BAIAP2L1: variants seen among roughly 807,000 people sequenced by gnomAD.
BAIAP2L1 encodes the protein BAR/IMD domain containing adaptor protein 2 like 1, also known as BAR/IMD domain-containing adapter protein 2-like 1.
A neutral mutation model predicts 66.3 loss-of-function variants in BAIAP2L1; 35 were observed. The ratio of observed to expected loss-of-function variants is 0.53; its 90% confidence interval spans 0.40 to 0.70. The LOEUF is 0.70. Among genes scored for constraint, BAIAP2L1 ranks in the 30% least tolerant of loss-of-function variants. BAIAP2L1 has a pLI of 0.00. For synonymous variants in BAIAP2L1, 269 were observed against 248.7 expected (o/e 1.08, Z -0.77); for missense variants, 622 against 656.9 (o/e 0.95, Z 0.58).
At chr7:98,308,490 G>C (rs914777147) in intron 9 of BAIAP2L1, 7 of 363,738 alleles carry the variant, frequency 1.9e-5, no homozygotes, top group African/African-American at 1.1e-4. Context: ...CCAGGAGGAA[G>C]GTGCTGCTAT....
At position 98,315,568 on chromosome 7, in the gene BAIAP2L1, G is replaced by A. The variant is rs1407705174; in HGVS notation, c.531C>T (p.Phe177=). 2 of 1,487,088 alleles carry A rather than the reference G, an allele frequency of 1.3e-6. No homozygotes were observed. The highest frequency in any genetic ancestry group is 1.8e-6 in the Non-Finnish European group (2 of 1,109,198). The allele number at this position is 1,487,088 out of a possible 1,614,324, so 92.1% of individuals were successfully genotyped here. The change falls in exon 7 of 14, where the codon TTC becomes TTT. Residue 177 remains phenylalanine (F), a synonymous_variant. Transcript: ENST00000005260. Reference sequence around the variant, plus strand: ...GAGCCTCTTTGCAACCATCTGCAATGAATTTCTGGATTTCACTCTGACGAG... The same window carrying A: ...GAGCCTCTTTGCAACCATCTGCAATAAATTTCTGGATTTCACTCTGACGAG... ...VTSRQSEIQK[F]IADGCKEALL... is the part of the protein sequence containing the mutation.
At position 98,328,723 on chromosome 7, in the gene BAIAP2L1, A is replaced by C. The variant is rs544665168; in HGVS notation, c.215-8425T>G. ...AAATTCATGATACACACCAACAAAA[A>C]TGTGCCCACACACTCCTCAACAGGC... On this transcript the variant is annotated intron_variant, in intron 3 of 13. Transcript: ENST00000005260. Among the ~76,000 whole-genome samples, 10 of 152,088 alleles carry C rather than the reference A, an allele frequency of 6.6e-5. 1 individual carries two copies. The highest frequency in any genetic ancestry group is 3.3e-4 in the Admixed American group (5 of 15,258).
rs1194593021 is a variant in BAIAP2L1, at chr7:98,293,929, AG to A, written c.1460+144del. ...GTCTAAAGTAGTTGGTAAAGCGAGC[AG>A]GGGGCTGCACTCCCCCATGGCTCCA... On this transcript the variant is annotated intron_variant, in intron 13 of 13. Transcript: ENST00000005260. The A allele has an allele frequency of 2.6e-5, 24 of 938,402 alleles. No homozygotes were observed. The Admixed American group carries it at 5.3e-4, about 21-fold the overall frequency. The allele number at this position is 938,402 out of a possible 1,614,324, so 58.1% of individuals were successfully genotyped here. A position where few individuals can be genotyped will look rare whatever the true frequency, so the allele number is the denominator to read the frequency against.
In BAIAP2L1 at chr7:98,362,385, C is replaced by T. The variant is rs766811491; in HGVS notation, c.99G>A (p.Leu33=). 6 of 1,612,612 alleles carry T rather than the reference C, an allele frequency of 3.7e-6. No homozygotes were observed. The highest frequency in any genetic ancestry group is 8.5e-7 in the Non-Finnish European group (1 of 1,179,382). The stretch of plus-strand genomic sequence containing the variant: ...TTACAGCTTTCTCATAATTTTTCCC[C>T]AGGTTTATTAAATTTCGCAGCCCAG... The part of the protein sequence containing the change: ...FNPGLRNLIN[L]GKNYEKAVNA... Residue 33 remains leucine, a synonymous_variant, in exon 2 of 14, where the codon CTG becomes CTA. Transcript: ENST00000005260.
At chr7:98,369,663 ATTTT>A (rs71112146) in intron 1 of BAIAP2L1, among the ~76,000 whole-genome samples, 7 of 103,850 alleles carry the variant, frequency 6.7e-5, no homozygotes, top group Admixed American at 1.1e-4. Context: ...TGATTTCCTA[ATTTT>A]TTTTTTTTTT....
At chr7:98,304,503 C>T (rs1800556745) in intron 11 of BAIAP2L1, 127 bp from the exon 12 acceptor site, 1 of 935,408 alleles carries the variant, frequency 1.1e-6, no homozygotes, top group African/African-American at 1.8e-5. Flanking sequence ...ATCTTGATCT[C>T]ACACACACAG....
intron 3 of BAIAP2L1, among the ~76,000 whole-genome samples, chr7:98,332,584 C>T (rs1275116786): frequency 1.3e-5 from 2 of 150,906 alleles, no homozygotes; most frequent in Non-Finnish European, 3.0e-5. Context: ...CCAAGGCAGG[C>T]GAATCACAAC....
Position 98,293,565 on chromosome 7 carries a change from G to C in BAIAP2L1, c.1492C>G (p.Arg498Gly). ...GAGCGATCATTCGTCACAGTCGGGCGGAGTTTCACAGTGGCAAAGGGGTTT... is the reference window on the plus strand; with the variant it reads ...GAGCGATCATTCGTCACAGTCGGGCCGAGTTTCACAGTGGCAAAGGGGTTT... ...GENPFATVKLRPTVTNDRSAP... is the reference protein window; with the variant it reads ...GENPFATVKLGPTVTNDRSAP... Residue 498 changes from arginine (R) to glycine (G), a missense_variant, in exon 14 of 14, where the codon CGC becomes GGC. Physicochemically the swap from Arg to Gly is moderately radical, Grantham distance 125. Transcript: ENST00000005260. The C allele has an allele frequency of 6.2e-7, 1 of 1,613,922 alleles. No individual in the cohort carries two copies. The highest frequency in any genetic ancestry group is 1.3e-5 in the African/African-American group (1 of 75,056).
chr7:98,311,066 C>T (rs982881830), intron 8 of BAIAP2L1, among the ~76,000 whole-genome samples: 1 of 152,032 alleles, frequency 6.6e-6, no homozygotes, highest in Admixed American at 6.5e-5. Context: ...CTCCACAGAG[C>T]CCAGGTTCAA....
intron 3 of BAIAP2L1, among the ~76,000 whole-genome samples, chr7:98,325,774 A>G (rs1801368736): frequency 6.6e-6 from 1 of 152,250 alleles, no homozygotes; most frequent in South Asian, 2.1e-4. Flanking sequence ...AATGAGGAGA[A>G]AACAGTGGAA....
rs1204634500 is a variant in BAIAP2L1, at chr7:98,400,718, G to C, written c.51+84C>G. The C allele has an allele frequency of 2.2e-5, 32 of 1,465,396 alleles. 1 individual carries two copies. The South Asian group carries it at 3.8e-4, about 17-fold the overall frequency. The allele number at this position is 1,465,396 out of a possible 1,614,324, so 90.8% of individuals were successfully genotyped here. On this transcript the variant is annotated intron_variant, in intron 1 of 13. Coordinates refer to ENST00000005260, the MANE Select transcript of BAIAP2L1 (RefSeq NM_018842.5). ...GCGGGGGAGGGGAGCTGGAGGGAGG[G>C]AAAGTACCTTCCCGCGTAAAGTCCC...
chr7:98,360,469 G>C (rs940387446), intron 2 of BAIAP2L1, among the ~76,000 whole-genome samples: 8 of 152,126 alleles, frequency 5.3e-5, no homozygotes, highest in Non-Finnish European at 1.5e-5. Context: ...CAACCAGATG[G>C]CCTGCAGAAA....
chr7:98,399,688 GAT>G (rs1451341442), intron 1 of BAIAP2L1, among the ~76,000 whole-genome samples: 1 of 152,160 alleles, frequency 6.6e-6, no homozygotes, highest in Non-Finnish European at 1.5e-5. Context: ...ATGATTAACA[GAT>G]ATCTTATTTC....
At position 98,292,996 on chromosome 7, in the gene BAIAP2L1, C is replaced by A; in HGVS notation, c.*525G>T. ...TTTCTCCATCTCTGGAAGCTCTACA[C>A]TTAAACATTTTAAGTTAAATTACAT... On this transcript the variant is annotated 3_prime_UTR_variant, in exon 14 of 14. Transcript: ENST00000005260. 8.7e-7 allele frequency: 1 copy of A among 1,149,550 alleles called. No individual in the cohort carries two copies. The highest frequency in any genetic ancestry group is 4.4e-5 in the East Asian group (1 of 22,962). 71.2% of individuals were successfully genotyped at this position (1,149,550 alleles called of 1,614,324 possible). A position where few individuals can be genotyped will look rare whatever the true frequency, so the allele number is the denominator to read the frequency against.
intron 3 of BAIAP2L1, among the ~76,000 whole-genome samples, chr7:98,338,149 T>C (rs1041837965): frequency 6.6e-6 from 1 of 151,902 alleles, no homozygotes; most frequent in African/African-American, 2.4e-5. Flanking sequence ...GAGATGCCGT[T>C]AGGCGGGGCA....
intron 2 of BAIAP2L1, 78 bp from the exon 3 acceptor site, chr7:98,355,206 C>A: frequency 1.0e-6 from 1 of 969,738 alleles, no homozygotes; most frequent in South Asian, 1.4e-5. Context: ...CTTCCAAACA[C>A]CCCCTGGTCC....
intron 1 of BAIAP2L1, among the ~76,000 whole-genome samples, chr7:98,399,681 A>G (rs911525116): frequency 1.3e-5 from 2 of 152,218 alleles, no homozygotes; most frequent in Admixed American, 6.5e-5. Flanking sequence ...ATAGCAGATG[A>G]TTAACAGATA....
chr7:98,323,302 C>A (rs1801298284), intron 3 of BAIAP2L1: 1 of 152,184 alleles, frequency 6.6e-6, no homozygotes, highest in African/African-American at 2.4e-5. Flanking sequence ...AACCCACAAA[C>A]AATTCCTCAT....
chr7:98,348,396 A>T (rs986986573), intron 3 of BAIAP2L1, among the ~76,000 whole-genome samples: 13 of 151,744 alleles, frequency 8.6e-5, no homozygotes, highest in Admixed American at 6.6e-5. Context: ...ACAAAACCCC[A>T]TCTCTACTAA....
Sources: allele counts gnomAD v4.1 joint callset (sites outside exome capture counted in the v4.1 genomes callset), GRCh38; gene constraint gnomAD v4.1.1; transcripts MANE v1.5; gene names NCBI Gene and HGNC (gene_info 2026-07-23, HGNC 2026-07-21).